The following NAALAD2 variants were observed in gnomAD, a reference collection of about 807,000 sequenced individuals.
NAALAD2 encodes the protein N-acetylated-alpha-linked acidic dipeptidase 2.
Under a neutral mutation model 95.6 loss-of-function variants are expected in NAALAD2, and 89 were observed. That is an observed-to-expected ratio of 0.93 (90% CI 0.78 to 1.11). The LOEUF (loss-of-function observed/expected upper bound fraction) is 1.11, where lower values mean the gene tolerates loss of function less well. Among genes scored for constraint, NAALAD2 ranks in the 50% least tolerant of loss-of-function variants. The pLI, the probability that NAALAD2 is intolerant of heterozygous loss-of-function variation, is 0.00. For synonymous variants in NAALAD2, 264 were observed against 294.4 expected (o/e 0.90, Z 1.06); for missense variants, 894 against 872.4 (o/e 1.02, Z -0.31).
At position 90,191,786 on chromosome 11, in the gene NAALAD2, A is replaced by G; in HGVS notation, c.*39A>G. 7.1e-7 allele frequency: 1 copy of G among 1,407,240 alleles called. No individual in the cohort carries two copies. 87.2% of individuals were successfully genotyped at this position (1,407,240 alleles called of 1,614,324 possible). On this transcript the variant is annotated 3_prime_UTR_variant, in exon 19 of 19. Coordinates refer to ENST00000534061, the MANE Select transcript of NAALAD2 (RefSeq NM_005467.4). The stretch of plus-strand genomic sequence containing the variant: ...GCTAGCCATTAAAGGTGTTGCTAAA[A>G]GTCTGAGGATAAAATTCACCTTTCT...
chr11:90,172,348 C>T (rs1461674813), intron 13 of NAALAD2, among the ~76,000 whole-genome samples: 1 of 152,110 alleles, frequency 6.6e-6, no homozygotes, highest in Non-Finnish European at 1.5e-5. Context: ...GGCAAGTGAC[C>T]ACTTCCCAGC....
intron 11 of NAALAD2, 33 bp from the exon 12 acceptor site, chr11:90,168,896 G>A (rs968616806): frequency 1.3e-6 from 2 of 1,535,300 alleles, no homozygotes; most frequent in East Asian, 2.3e-5. Flanking sequence ...ACTAAGTAAT[G>A]TGAATTAAGT....
intron 18 of NAALAD2, among the ~76,000 whole-genome samples, chr11:90,187,886 A>C (rs1857204789): frequency 6.6e-6 from 1 of 152,240 alleles, no homozygotes; most frequent in Non-Finnish European, 1.5e-5. Flanking sequence ...TGTACATTAC[A>C]TATGTATGTA....
intron 18 of NAALAD2, among the ~76,000 whole-genome samples, chr11:90,188,837 C>T (rs1271516771): frequency 3.3e-5 from 5 of 152,148 alleles, no homozygotes; most frequent in East Asian, 3.9e-4. Context: ...TATTACTCCT[C>T]GTTTTTTCCC....
intron 13 of NAALAD2, among the ~76,000 whole-genome samples, chr11:90,172,333 C>G (rs1322213280): frequency 6.6e-6 from 1 of 152,118 alleles, no homozygotes; most frequent in Non-Finnish European, 1.5e-5. Flanking sequence ...TCATACAAAG[C>G]TAAGGGCAAG....
At chr11:90,141,720 G>A (rs984288440) in intron 2 of NAALAD2, among the ~76,000 whole-genome samples, 1 of 152,110 alleles carries the variant, frequency 6.6e-6, no homozygotes, top group Non-Finnish European at 1.5e-5. Context: ...AGAGTTCTGG[G>A]ATTACAAATG....
In NAALAD2 at chr11:90,159,250, G is replaced by T. The variant is rs776736190; in HGVS notation, c.902G>T (p.Gly301Val). 2.0e-5 allele frequency: 33 copies of T among 1,612,890 alleles called. No individual in the cohort carries two copies. The highest frequency in any genetic ancestry group is 1.6e-4 in the Middle Eastern group (1 of 6,080). The change falls in exon 8 of 19, where the codon GGA becomes GTA. Residue 301 changes from glycine (G) to valine (V), a missense_variant. Transcript: ENST00000534061. ...DAEILLRYLG[G>V]IAPPDKSWKG... Reference sequence around the variant, plus strand: ...TTTTATTTTGTCAGCTACTTGGGAGGAATTGCTCCACCAGATAAGAGTTGG... The same window carrying T: ...TTTTATTTTGTCAGCTACTTGGGAGTAATTGCTCCACCAGATAAGAGTTGG...
chr11:90,159,025 C>G, intron 7 of NAALAD2: 2 of 516,676 alleles, frequency 3.9e-6, no homozygotes, highest in South Asian at 4.5e-5. Flanking sequence ...TTGCTCTCAT[C>G]ACTAACATAT....
rs771955252 is a variant in NAALAD2 at position 90,147,481 on chromosome 11, A to G, written c.346A>G (p.Asn116Asp). Reference protein sequence around the residue: ...LLSYPNETNANYISIVDEHET... With the variant: ...LLSYPNETNADYISIVDEHET... Reference sequence around the variant, plus strand: ...ATCTTACCCCAATGAGACAAATGCCAACTATATATCGATTGTGGATGAACA... The same window carrying G: ...ATCTTACCCCAATGAGACAAATGCCGACTATATATCGATTGTGGATGAACA... Residue 116 changes from asparagine to aspartate, a missense_variant, in exon 3 of 19, where the codon AAC becomes GAC. Coordinates refer to ENST00000534061, the MANE Select transcript of NAALAD2 (RefSeq NM_005467.4). 1 of 1,612,792 alleles carries G rather than the reference A, an allele frequency of 6.2e-7. No homozygotes were observed. The highest frequency in any genetic ancestry group is 1.1e-5 in the South Asian group (1 of 90,790).
At chr11:90,162,898 T>A (rs1565530213) in intron 8 of NAALAD2, 51 bp from the exon 9 acceptor site, 1 of 1,059,556 alleles carries the variant, frequency 9.4e-7, no homozygotes, top group South Asian at 1.5e-5. Context: ...TAAAACACTG[T>A]AAAAAACATA....
intron 7 of NAALAD2, 60 bp downstream of exon 7, chr11:90,158,298 A>C: frequency 3.2e-6 from 4 of 1,232,008 alleles, no homozygotes; most frequent in Non-Finnish European, 4.7e-6. Context: ...CTATTTTCTC[A>C]TTGAAAACCA....
chr11:90,169,136 C>A, intron 12 of NAALAD2, 144 bp downstream of exon 12: 1 of 540,850 alleles, frequency 1.8e-6, no homozygotes, highest in Non-Finnish European at 3.3e-6. Flanking sequence ...CTTTGAGATG[C>A]CTCAGTAATA....
At chr11:90,185,441 AAGG>A (rs1857107301) in intron 18 of NAALAD2, among the ~76,000 whole-genome samples, 1 of 151,986 alleles carries the variant, frequency 6.6e-6, no homozygotes, top group African/African-American at 2.4e-5. Context: ...GAGGCTGAGA[AAGG>A]AGGATCGCTT....
intron 11 of NAALAD2, among the ~76,000 whole-genome samples, chr11:90,167,341 G>A (rs985047158): frequency 6.6e-5 from 10 of 152,218 alleles, no homozygotes; most frequent in African/African-American, 1.7e-4. Flanking sequence ...GCCAGCAGCT[G>A]TTGTGCTCGA....
At chr11:90,166,552 T>G (rs1952452075) in intron 11 of NAALAD2, among the ~76,000 whole-genome samples, 1 of 152,182 alleles carries the variant, frequency 6.6e-6, no homozygotes, top group Non-Finnish European at 1.5e-5. Context: ...GAAATACAGA[T>G]TGGCTGGGCG....
upstream of NAALAD2, chr11:90,134,490 C>T (rs949046581): frequency 1.8e-5 from 8 of 453,368 alleles, no homozygotes; most frequent in Non-Finnish European, 3.2e-5. Flanking sequence ...GCTCCCGCCA[C>T]CTACTATGTC....
At chr11:90,153,725 T>A (rs1951949921) in intron 6 of NAALAD2, among the ~76,000 whole-genome samples, 1 of 152,080 alleles carries the variant, frequency 6.6e-6, no homozygotes, top group African/African-American at 2.4e-5. Context: ...AGTCTTTAAT[T>A]TCTTTCAGCA....
At chr11:90,177,782 T>C (rs1487631479) in intron 15 of NAALAD2, 71 bp from the exon 16 acceptor site, 1 of 1,391,790 alleles carries the variant, frequency 7.2e-7, no homozygotes, top group African/African-American at 1.5e-5. Context: ...GTTATTTTTA[T>C]GCTTACATAA....
intron 2 of NAALAD2, among the ~76,000 whole-genome samples, chr11:90,145,461 A>G (rs1234659904): frequency 6.6e-6 from 1 of 152,236 alleles, no homozygotes; most frequent in Non-Finnish European, 1.5e-5. Context: ...TGTAGAAACA[A>G]AAATAATGAA....
Sources: allele counts gnomAD v4.1 joint callset (sites outside exome capture counted in the v4.1 genomes callset), GRCh38; gene constraint gnomAD v4.1.1; transcripts MANE v1.5; gene names NCBI Gene and HGNC (gene_info 2026-07-23, HGNC 2026-07-21).